Variants in ARK2C observed in about 807,000 individuals in gnomAD.
ARK2C encodes the protein arkadia (RNF111) C-terminal like ring finger ubiquitin ligase 2C.
the ARK2C span, among the ~76,000 whole-genome samples, chr18:46,422,529 C>A: frequency 6.6e-6 from 1 of 152,252 alleles, no homozygotes; most frequent in South Asian, 2.1e-4. Context: ...TCTCCCTCCA[C>A]CTGGGCGCAG....
chr18:46,380,618 G>A, the ARK2C span, among the ~76,000 whole-genome samples: 1 of 152,136 alleles, frequency 6.6e-6, no homozygotes, highest in Non-Finnish European at 1.5e-5. Flanking sequence ...GCTGGTCGCT[G>A]GGAGGCTGGA....
the ARK2C span, among the ~76,000 whole-genome samples, chr18:46,387,253 GC>G: frequency 3.3e-5 from 5 of 152,268 alleles, no homozygotes; most frequent in South Asian, 4.1e-4. Context: ...AGATAACCAG[GC>G]CCCACCTCCA....
At chr18:46,355,781 C>T in the ARK2C span, among the ~76,000 whole-genome samples, 1 of 152,240 alleles carries the variant, frequency 6.6e-6, no homozygotes, top group East Asian at 1.9e-4. Flanking sequence ...TCAAGACCTT[C>T]TCCAAACCCA....
the ARK2C span, among the ~76,000 whole-genome samples, chr18:46,341,040 C>T: frequency 3.6e-3 from 554 of 152,102 alleles, 7 homozygotes; most frequent in African/African-American, 0.013. Flanking sequence ...GTGTTGATGG[C>T]GGGGCGGAGG....
At chr18:46,386,280 T>C in the ARK2C span, 1 of 152,232 alleles carries the variant, frequency 6.6e-6, no homozygotes, top group Non-Finnish European at 1.5e-5. Context: ...TACTCTTTAA[T>C]CATCAGCATT....
At chr18:46,395,648 G>T in the ARK2C span, among the ~76,000 whole-genome samples, 1 of 152,310 alleles carries the variant, frequency 6.6e-6, no homozygotes, top group South Asian at 2.1e-4. Flanking sequence ...AATTCCTGCT[G>T]CAGGGGATAA....
the ARK2C span, among the ~76,000 whole-genome samples, chr18:46,408,121 G>A: frequency 9.9e-5 from 15 of 152,182 alleles, no homozygotes; most frequent in Admixed American, 3.9e-4. Flanking sequence ...CAGATAGGTC[G>A]GGGCAGTGGA....
chr18:46,445,776 C>T, the ARK2C span, among the ~76,000 whole-genome samples: 93 of 152,278 alleles, frequency 6.1e-4, 1 homozygote, highest in African/African-American at 1.9e-3. Context: ...TGTTATATAA[C>T]GTCTGAAAAC....
chr18:46,381,945 G>T, the ARK2C span, among the ~76,000 whole-genome samples: 4 of 152,130 alleles, frequency 2.6e-5, no homozygotes, highest in African/African-American at 7.2e-5. Flanking sequence ...ACGGGCTTTG[G>T]CTTAAGCACC....
chr18:46,454,614 C>T, the ARK2C span, among the ~76,000 whole-genome samples: 4 of 152,164 alleles, frequency 2.6e-5, no homozygotes, highest in African/African-American at 9.7e-5. Context: ...CTCAGGATCT[C>T]CAGAGTTTAG....
At chr18:46,408,932 GT>G in the ARK2C span, among the ~76,000 whole-genome samples, 1 of 152,284 alleles carries the variant, frequency 6.6e-6, no homozygotes, top group South Asian at 2.1e-4. Context: ...TCAGTTCCCT[GT>G]TCATTGCCTA....
At chr18:46,336,583 T>TA in the ARK2C span, 2 of 985,358 alleles carry the variant, frequency 2.0e-6, no homozygotes, top group Non-Finnish European at 2.4e-6. Context: ...AATCTTCTTG[T>TA]AAAACTATTA....
the ARK2C span, among the ~76,000 whole-genome samples, chr18:46,369,283 G>C: frequency 6.6e-6 from 1 of 152,156 alleles, no homozygotes; most frequent in Non-Finnish European, 1.5e-5. Context: ...ATCAAGATGG[G>C]CTGGCTGAGG....
the ARK2C span, among the ~76,000 whole-genome samples, chr18:46,407,562 G>A: frequency 2.0e-5 from 3 of 152,046 alleles, no homozygotes; most frequent in African/African-American, 7.2e-5. Flanking sequence ...GTGTTTTTTT[G>A]TTTTGTTTTG....
the ARK2C span, among the ~76,000 whole-genome samples, chr18:46,403,878 AAAAAC>A: frequency 6.6e-6 from 1 of 152,244 alleles, no homozygotes; most frequent in South Asian, 2.1e-4. Flanking sequence ...CTCTGTCCAA[AAAAAC>A]AAAACAAAAC....
the ARK2C span, among the ~76,000 whole-genome samples, chr18:46,374,785 C>T: frequency 1.3e-5 from 2 of 152,152 alleles, no homozygotes; most frequent in Admixed American, 1.3e-4. Context: ...GCTAGAGACC[C>T]TACACCCCAA....
chr18:46,347,139 G>A, the ARK2C span, among the ~76,000 whole-genome samples: 1 of 152,230 alleles, frequency 6.6e-6, no homozygotes, highest in African/African-American at 2.4e-5. Flanking sequence ...TCCCCGAGGA[G>A]GAAGAGCTGT....
chr18:46,412,572 T>C, the ARK2C span, among the ~76,000 whole-genome samples: 38 of 152,232 alleles, frequency 2.5e-4, no homozygotes, highest in Admixed American at 4.6e-4. Flanking sequence ...CATGTGCTGA[T>C]GAGGCTGCCT....
At chr18:46,403,696 G>T in the ARK2C span, among the ~76,000 whole-genome samples, 1 of 152,206 alleles carries the variant, frequency 6.6e-6, no homozygotes, top group East Asian at 1.9e-4. Context: ...TGGCCAACAT[G>T]ATGAAACTCC....
Sources: allele counts gnomAD v4.1 joint callset (sites outside exome capture counted in the v4.1 genomes callset), GRCh38; gene constraint gnomAD v4.1.1; transcripts MANE v1.5; gene names NCBI Gene and HGNC (gene_info 2026-07-23, HGNC 2026-07-21).